PRRG1: variants seen among roughly 807,000 people sequenced by gnomAD.
The protein encoded by PRRG1 is transmembrane gamma-carboxyglutamic acid protein 1.
A neutral mutation model predicts 11.8 loss-of-function variants in PRRG1; 5 were observed. The ratio of observed to expected loss-of-function variants is 0.42; its 90% CI spans 0.22 to 0.89. The LOEUF (loss-of-function observed/expected upper bound fraction) is 0.89. PRRG1 is among the 40% of genes least tolerant of loss of function. PRRG1 has a pLI of 0.28. For missense variants in PRRG1, 155 were observed against 166.1 expected (o/e 0.93, Z 0.37); for synonymous variants, 66 against 60.4 (o/e 1.09, Z -0.43).
At chrX:37,379,719 T>G (rs1276701994) in intron 1 of PRRG1, among the ~76,000 whole-genome samples, 1 of 111,636 alleles carries the variant, frequency 9.0e-6, no homozygotes, top group African/African-American at 3.2e-5. Context: ...AATGGGAAAT[T>G]AAAATATTGT....
Position 37,425,828 on chromosome X carries a change from A to G in PRRG1, c.11-12A>G. 1.7e-6 allele frequency: 2 copies of G among 1,162,774 alleles called. No individual in the cohort carries two copies. The highest frequency in any genetic ancestry group is 2.3e-6 in the Non-Finnish European group (2 of 868,425). ...TGCCACATAGGTTTTTTATACTTATATTTCTTTTTAGTTTTCCTCACGGGA... is the reference window on the plus strand; with the variant it reads ...TGCCACATAGGTTTTTTATACTTATGTTTCTTTTTAGTTTTCCTCACGGGA... On this transcript the variant is annotated splice_polypyrimidine_tract_variant and intron_variant, in intron 2 of 3. Transcript: ENST00000378628.
chrX:37,382,005 T>A (rs1304900971), intron 1 of PRRG1, among the ~76,000 whole-genome samples: 1 of 111,581 alleles, frequency 9.0e-6, no homozygotes, highest in African/African-American at 3.3e-5. Context: ...CTTCCCTGAG[T>A]CTTCATACAT....
At chrX:37,434,349 T>C (rs1262438865) in intron 3 of PRRG1, among the ~76,000 whole-genome samples, 2 of 112,262 alleles carry the variant, frequency 1.8e-5, no homozygotes, top group Non-Finnish European at 3.8e-5. Context: ...GAATGCCTAC[T>C]ATGTAACAGT....
intron 1 of PRRG1, among the ~76,000 whole-genome samples, chrX:37,353,987 A>G (rs1930153252): frequency 8.9e-6 from 1 of 112,539 alleles, no homozygotes; most frequent in Admixed American, 9.4e-5. Flanking sequence ...CATTATTTCA[A>G]TAGCAATTAA....
chrX:37,413,528 T>C (rs1932408108), intron 2 of PRRG1, among the ~76,000 whole-genome samples: 1 of 111,620 alleles, frequency 9.0e-6, no homozygotes, highest in South Asian at 3.8e-4. Flanking sequence ...TGCTGTATCA[T>C]ATGGTAAGAG....
chrX:37,451,209 G>C (rs1376222492), intron 3 of PRRG1, among the ~76,000 whole-genome samples: 2 of 111,686 alleles, frequency 1.8e-5, no homozygotes, highest in Non-Finnish European at 3.8e-5. Flanking sequence ...GTACAGACAG[G>C]GTTTCTCCAT....
At chrX:37,384,289 A>AGACT (rs1453156509) in intron 1 of PRRG1, among the ~76,000 whole-genome samples, 21 of 111,528 alleles carry the variant, frequency 1.9e-4, no homozygotes, top group Non-Finnish European at 3.6e-4. Flanking sequence ...TCCATGGAAA[A>AGACT]GACTTTCTGG....
At chrX:37,377,647 G>A (rs1931019279) in intron 1 of PRRG1, among the ~76,000 whole-genome samples, 1 of 111,626 alleles carries the variant, frequency 9.0e-6, no homozygotes. Flanking sequence ...TATTGGATAC[G>A]AATGAGTTCC....
At chrX:37,365,174 CG>C (rs1930533419) in intron 1 of PRRG1, among the ~76,000 whole-genome samples, 1 of 111,431 alleles carries the variant, frequency 9.0e-6, no homozygotes, top group Non-Finnish European at 1.9e-5. Context: ...AAGAAGGAGT[CG>C]GGGGCTCCTT....
chrX:37,434,575 C>T (rs1932865390), intron 3 of PRRG1, among the ~76,000 whole-genome samples: 1 of 111,931 alleles, frequency 8.9e-6, no homozygotes, highest in South Asian at 3.7e-4. Context: ...TGAGCTCTGC[C>T]ATCTACTGAC....
intron 1 of PRRG1, among the ~76,000 whole-genome samples, chrX:37,391,466 A>G (rs1336178353): frequency 8.9e-6 from 1 of 111,934 alleles, no homozygotes; most frequent in Non-Finnish European, 1.9e-5. Context: ...GGGTTGAATT[A>G]GGTAATAAAA....
intron 1 of PRRG1, among the ~76,000 whole-genome samples, chrX:37,379,031 CTTTTTTTTT>C (rs56857980): frequency 7.0e-5 from 2 of 28,774 alleles, no homozygotes; most frequent in African/African-American, 1.6e-4. Context: ...CATCTTTTTG[CTTTTTTTTT>C]TTTTTTTTTT....
chrX:37,365,239 A>G (rs1174052007), intron 1 of PRRG1, among the ~76,000 whole-genome samples: 1 of 111,400 alleles, frequency 9.0e-6, no homozygotes, highest in Non-Finnish European at 1.9e-5. Context: ...TTTATTGGGT[A>G]AAAGAAATAG....
chrX:37,367,212 T>C (rs1930601158), intron 1 of PRRG1, among the ~76,000 whole-genome samples: 1 of 112,382 alleles, frequency 8.9e-6, no homozygotes, highest in African/African-American at 3.2e-5. Flanking sequence ...AAATATGCAA[T>C]ACTTGATTTT....
At chrX:37,422,114 C>T (rs1932675435) in intron 2 of PRRG1, among the ~76,000 whole-genome samples, 1 of 111,934 alleles carries the variant, frequency 8.9e-6, no homozygotes, top group African/African-American at 3.2e-5. Flanking sequence ...AATTAGACTG[C>T]TTTCTGGTTA....
chrX:37,428,605 C>G (rs1000983275), intron 3 of PRRG1, among the ~76,000 whole-genome samples: 1 of 112,253 alleles, frequency 8.9e-6, no homozygotes, highest in Non-Finnish European at 1.9e-5. Flanking sequence ...AGGGTACAGC[C>G]TCGCTCCTGG....
At chrX:37,398,330 C>T (rs782117411) in intron 1 of PRRG1, among the ~76,000 whole-genome samples, 6 of 111,867 alleles carry the variant, frequency 5.4e-5, no homozygotes, top group South Asian at 7.5e-4. Flanking sequence ...CACGAGAATC[C>T]GCTGTTCTGC....
At chrX:37,367,054 TCTC>T (rs1930593166) in intron 1 of PRRG1, among the ~76,000 whole-genome samples, 1 of 111,419 alleles carries the variant, frequency 9.0e-6, no homozygotes, top group Admixed American at 9.5e-5. Context: ...AATCCTGTGG[TCTC>T]CTCAGTCTAT....
intron 3 of PRRG1, among the ~76,000 whole-genome samples, chrX:37,445,157 G>A (rs1933051330): frequency 8.9e-6 from 1 of 112,057 alleles, no homozygotes; most frequent in Non-Finnish European, 1.9e-5. Context: ...ATCATCATGA[G>A]CTTTGGCAAA....
Sources: gnomAD v4.1 joint callset for allele counts (sites outside exome capture counted in the v4.1 genomes callset) on GRCh38, gnomAD v4.1.1 for gene constraint, MANE v1.5 for transcripts, NCBI Gene and HGNC (gene_info 2026-07-23, HGNC 2026-07-21) for gene names.